RHOBTB3: variants seen among roughly 807,000 people sequenced by gnomAD.
RHOBTB3 encodes the protein Rho related BTB domain containing 3.
In RHOBTB3, 47 loss-of-function variants were observed where a neutral mutation model predicts 67.2. The observed-to-expected ratio is 0.70, with a 90% CI of 0.55 to 0.89. The LOEUF (loss-of-function observed/expected upper bound fraction) is 0.89, where lower values mean the gene tolerates loss of function less well. Among genes scored for constraint, RHOBTB3 ranks in the 40% least tolerant of loss-of-function variants. The pLI is 0.00. For synonymous variants in RHOBTB3, 273 were observed against 274.2 expected (o/e 1.00, Z 0.04); for missense variants, 631 against 750.0 (o/e 0.84, Z 1.85).
chr5:95,727,581 GT>G (rs940298402), upstream of RHOBTB3, among the ~76,000 whole-genome samples: 20 of 152,316 alleles, frequency 1.3e-4, no homozygotes, highest in Admixed American at 3.9e-4. Context: ...CTTCCTGTGT[GT>G]TCCCCAGTGA....
chr5:95,748,601 C>A, intron 4 of RHOBTB3, 114 bp downstream of exon 4: 1 of 671,906 alleles, frequency 1.5e-6, no homozygotes, highest in Non-Finnish European at 2.4e-6. Context: ...CTTACTTAAC[C>A]TTGAGAAATA....
chr5:95,792,946 G>A (rs1039307155), intron 11 of RHOBTB3, 113 bp from the exon 12 acceptor site: 4 of 657,908 alleles, frequency 6.1e-6, no homozygotes, highest in Non-Finnish European at 7.8e-6. Context: ...GGAATGGTAG[G>A]AGATGTATCA....
chr5:95,788,676 G>T, intron 10 of RHOBTB3, 86 bp from the exon 11 acceptor site: 1 of 858,858 alleles, frequency 1.2e-6, no homozygotes, highest in Non-Finnish European at 1.8e-6. Flanking sequence ...TGGGCTCTCC[G>T]TGATTGCTCC....
In RHOBTB3 at chr5:95,788,805, T is replaced by C; in HGVS notation, c.1667T>C (p.Ile556Thr). The C allele has an allele frequency of 1.9e-6, 3 of 1,586,096 alleles. No homozygotes were observed. The highest frequency in any genetic ancestry group is 1.7e-6 in the Non-Finnish European group (2 of 1,170,526). Reference sequence around the variant, plus strand: ...CTTTCAACCTGGCTACTTCATTTCATTGCTACTAACTACCTCATCTTCAGT... The same window carrying C: ...CTTTCAACCTGGCTACTTCATTTCACTGCTACTAACTACCTCATCTTCAGT... Reference protein sequence around the residue: ...DCLSTWLLHFIATNYLIFSQK... With the variant: ...DCLSTWLLHFTATNYLIFSQK... Residue 556 changes from isoleucine (I) to threonine (T), a missense_variant, in exon 11 of 12, where the codon ATT (isoleucine) becomes ACT (threonine). Physicochemically the swap from Ile to Thr is moderately conservative, Grantham distance 89. Transcript: ENST00000379982.
intron 3 of RHOBTB3, among the ~76,000 whole-genome samples, chr5:95,737,932 T>G (rs1258487921): frequency 6.6e-6 from 1 of 152,196 alleles, no homozygotes; most frequent in Non-Finnish European, 1.5e-5. Context: ...CAACACAGAT[T>G]AGTTTTACCT....
chr5:95,795,577 G>C lies in RHOBTB3; in HGVS notation c.*2403G>C, dbSNP rs1188373629. 6.6e-6 allele frequency: 1 copy of C among 152,340 alleles called. No homozygotes were observed. The highest frequency in any genetic ancestry group is 1.5e-5 in the Non-Finnish European group (1 of 68,044). 9.4% of individuals were successfully genotyped at this position (152,340 alleles called of 1,614,324 possible). A position where few individuals can be genotyped will look rare whatever the true frequency, so the allele number is the denominator to read the frequency against. The stretch of plus-strand genomic sequence containing the variant: ...AGTGGAGTTGGGTTTGGAAGCTGGT[G>C]CCCAGTTGGTGTGGAGTGTGTAGTT... On this transcript the variant is annotated 3_prime_UTR_variant, in exon 12 of 12. Transcript: ENST00000379982.
intron 10 of RHOBTB3, 54 bp from the exon 11 acceptor site, chr5:95,788,708 T>C (rs1746292372): frequency 2.5e-6 from 3 of 1,193,862 alleles, no homozygotes; most frequent in East Asian, 2.5e-5. Flanking sequence ...CTTGATCTTA[T>C]CATACCAGTG....
chr5:95,776,271 G>C (rs990846400), intron 8 of RHOBTB3, among the ~76,000 whole-genome samples: 4 of 151,958 alleles, frequency 2.6e-5, no homozygotes, highest in African/African-American at 9.7e-5. Context: ...GCCAGGCAAG[G>C]TGGCAGACGC....
chr5:95,739,762 C>G (rs771243364), intron 3 of RHOBTB3, among the ~76,000 whole-genome samples: 2 of 152,122 alleles, frequency 1.3e-5, no homozygotes, highest in Non-Finnish European at 2.9e-5. Flanking sequence ...TCAGGCTGGT[C>G]TCCATCTCCT....
chr5:95,787,922 G>A (rs1425940721), intron 10 of RHOBTB3, among the ~76,000 whole-genome samples: 1 of 152,240 alleles, frequency 6.6e-6, no homozygotes, highest in Non-Finnish European at 1.5e-5. Flanking sequence ...GAAATGGATA[G>A]TGGTGTTGGG....
intron 8 of RHOBTB3, chr5:95,769,140 C>T (rs765677758): frequency 6.0e-5 from 22 of 365,038 alleles, no homozygotes; most frequent in African/African-American, 1.9e-4. Flanking sequence ...TAGCCGATGC[C>T]GTAGCTGCTA....
intron 6 of RHOBTB3, among the ~76,000 whole-genome samples, chr5:95,761,446 G>A (rs966213498): frequency 6.6e-6 from 1 of 150,844 alleles, no homozygotes; most frequent in East Asian, 1.9e-4. Context: ...GGGTTCAAGC[G>A]ATTCTCCTGC....
At chr5:95,741,877 C>G (rs1755611786) in intron 3 of RHOBTB3, among the ~76,000 whole-genome samples, 1 of 152,002 alleles carries the variant, frequency 6.6e-6, no homozygotes, top group African/African-American at 2.4e-5. Context: ...TTTCTCTGCT[C>G]CCAAATTTTT....
chr5:95,731,499 G>T lies in RHOBTB3; in HGVS notation c.-184G>T, dbSNP rs748831329. 3 of 1,244,956 alleles carry T rather than the reference G, an allele frequency of 2.4e-6. No individual in the cohort carries two copies. The highest frequency in any genetic ancestry group is 3.0e-6 in the Non-Finnish European group (3 of 998,332). 77.1% of individuals were successfully genotyped at this position (1,244,956 alleles called of 1,614,324 possible). On this transcript the variant is annotated 5_prime_UTR_variant, in exon 1 of 12. Coordinates refer to ENST00000379982, the MANE Select transcript of RHOBTB3 (RefSeq NM_014899.4). ...CGCCCGCTAGCCCGCCCTGGTCCCC[G>T]GCTCGCTCGCTGGCTGGCGCGGCCC...
At chr5:95,719,985 C>T (rs985929888) in intron 1 of RHOBTB3, among the ~76,000 whole-genome samples, 10 of 152,124 alleles carry the variant, frequency 6.6e-5, no homozygotes, top group African/African-American at 2.2e-4. Context: ...TAATAATGGG[C>T]TTCCCATGTA....
In RHOBTB3 at chr5:95,776,193, G is replaced by A. The variant is rs143676980; in HGVS notation, c.1283-4059G>A. Among the ~76,000 whole-genome samples the A allele has an allele frequency of 1.9e-3, 296 of 152,244 alleles. 3 individuals carry two copies. The highest frequency in any genetic ancestry group is 0.01 in the Middle Eastern group (3 of 294). ...AGGCCAAGTTGGGTGGATCACCTGA[G>A]GTCGGGAGTTCCAGACCAGCCTGGC... is the stretch of plus-strand genomic sequence containing the variant. On this transcript the variant is annotated intron_variant, in intron 8 of 11. Coordinates refer to ENST00000379982, the MANE Select transcript of RHOBTB3 (RefSeq NM_014899.4).
rs571248739 is a variant in RHOBTB3, at chr5:95,793,338, G to T, written c.*164G>T. 7.6e-4 allele frequency: 375 copies of T among 494,282 alleles called. No individual in the cohort carries two copies. The highest frequency in any genetic ancestry group is 1.2e-3 in the Non-Finnish European group (343 of 280,904). The allele number at this position is 494,282 out of a possible 1,614,324, so 30.6% of individuals were successfully genotyped here. A position where few individuals can be genotyped will look rare whatever the true frequency, so the allele number is the denominator to read the frequency against. ...CTCTTTGGAAAAAAACTACCACTGT[G>T]GTCTTAAAAGGGAACAAAATATACC... On this transcript the variant is annotated 3_prime_UTR_variant, in exon 12 of 12. Transcript: ENST00000379982.
chr5:95,745,734 C>T (rs1744881551), intron 3 of RHOBTB3, among the ~76,000 whole-genome samples: 1 of 152,120 alleles, frequency 6.6e-6, no homozygotes, highest in Non-Finnish European at 1.5e-5. Context: ...GTGTAGCACT[C>T]ATTCAGAGTC....
chr5:95,752,156 A>G, intron 4 of RHOBTB3, 83 bp from the exon 5 acceptor site: 1 of 790,286 alleles, frequency 1.3e-6, no homozygotes. Flanking sequence ...AAAATGTTTG[A>G]CAATTGTGAC....
Sources: gnomAD v4.1 joint callset for allele counts (sites outside exome capture counted in the v4.1 genomes callset) on GRCh38, gnomAD v4.1.1 for gene constraint, MANE v1.5 for transcripts, NCBI Gene and HGNC (gene_info 2026-07-23, HGNC 2026-07-21) for gene names.